The following RIMS2 variants were observed in gnomAD, a reference collection of about 807,000 sequenced individuals.
The protein encoded by RIMS2 is regulating synaptic membrane exocytosis protein 2.
In RIMS2, 59 loss-of-function variants were observed where a neutral mutation model predicts 174.4. The ratio of observed to expected loss-of-function variants is 0.34; its 90% CI spans 0.27 to 0.42. The LOEUF (loss-of-function observed/expected upper bound fraction) is 0.42, where lower values mean the gene tolerates loss of function less well. RIMS2 is among the 10% of genes least tolerant of loss of function. RIMS2 has a pLI of 1.00. For synonymous variants in RIMS2, 606 were observed against 572.5 expected (o/e 1.06, Z -0.84); for missense variants, 1,620 against 1,666.3 (o/e 0.97, Z 0.48).
intron 19 of RIMS2, among the ~76,000 whole-genome samples, chr8:104,231,196 C>T (rs1469333958): frequency 6.6e-6 from 1 of 152,078 alleles, no homozygotes; most frequent in Non-Finnish European, 1.5e-5. Flanking sequence ...TCTCTCTCTC[C>T]CTTCTGGACC....
intron 1 of RIMS2, among the ~76,000 whole-genome samples, chr8:103,595,435 G>A (rs1377208566): frequency 6.6e-6 from 1 of 151,854 alleles, no homozygotes; most frequent in Non-Finnish European, 1.5e-5. Context: ...CATGAGATGG[G>A]AGAAAGTGTA....
At chr8:103,862,152 A>G (rs146036225) in intron 3 of RIMS2, among the ~76,000 whole-genome samples, 43 of 152,110 alleles carry the variant, frequency 2.8e-4, no homozygotes, top group African/African-American at 7.9e-4. Context: ...TAATTTTTAT[A>G]TATGGTGAGA....
intron 1 of RIMS2, among the ~76,000 whole-genome samples, chr8:103,648,190 A>C (rs1469904655): frequency 1.3e-5 from 2 of 152,112 alleles, no homozygotes; most frequent in Non-Finnish European, 2.9e-5. Context: ...GGAGTCATTC[A>C]GGAGCAGGTT....
intron 1 of RIMS2, among the ~76,000 whole-genome samples, chr8:103,682,976 C>A (rs776103794): frequency 6.6e-6 from 1 of 152,088 alleles, no homozygotes; most frequent in Non-Finnish European, 1.5e-5. Context: ...ACTAGCTCTG[C>A]TACTAATTTA....
intron 2 of RIMS2, among the ~76,000 whole-genome samples, chr8:103,731,201 G>A (rs2097589088): frequency 6.6e-6 from 1 of 152,130 alleles, no homozygotes; most frequent in Non-Finnish European, 1.5e-5. Flanking sequence ...TGGGGACACA[G>A]CCAAACCATA....
intron 19 of RIMS2, among the ~76,000 whole-genome samples, chr8:104,124,703 A>G (rs1016336479): frequency 2.6e-5 from 4 of 152,186 alleles, no homozygotes; most frequent in Admixed American, 6.5e-5. Flanking sequence ...ATTGGACCAT[A>G]TAATTCAAGG....
At chr8:104,016,461 GTTCT>G (rs1206125864) in intron 19 of RIMS2, among the ~76,000 whole-genome samples, 2 of 151,896 alleles carry the variant, frequency 1.3e-5, no homozygotes, top group East Asian at 1.9e-4. Context: ...CTGTTTTGTC[GTTCT>G]TTCTATTTCC....
At chr8:103,722,611 C>T (rs564122846) in intron 2 of RIMS2, among the ~76,000 whole-genome samples, 8 of 152,296 alleles carry the variant, frequency 5.3e-5, no homozygotes, top group South Asian at 4.1e-4. Flanking sequence ...CGGGGAGCTG[C>T]TATAAATATA....
chr8:104,013,456 C>A, exon 18 of RIMS2: 1 of 1,613,454 alleles, frequency 6.2e-7, no homozygotes, highest in South Asian at 1.1e-5. Flanking sequence ...TGTGAAGCAG[C>A]AGATAGACAG....
intron 19 of RIMS2, among the ~76,000 whole-genome samples, chr8:104,244,190 A>G (rs1011705234): frequency 1.3e-5 from 2 of 152,080 alleles, no homozygotes; most frequent in East Asian, 1.9e-4. Flanking sequence ...ATTGGTTTCT[A>G]TTAGTAAATC....
intron 10 of RIMS2, 97 bp downstream of exon 13, chr8:103,921,881 A>T (rs1345932971): frequency 3.8e-6 from 2 of 531,412 alleles, no homozygotes; most frequent in Non-Finnish European, 6.7e-6. Flanking sequence ...TTCCTAGAAC[A>T]TAATTGTGCT....
At chr8:103,879,739 C>CT (rs2099158419) in intron 3 of RIMS2, among the ~76,000 whole-genome samples, 1 of 151,540 alleles carries the variant, frequency 6.6e-6, no homozygotes. Flanking sequence ...CAGCACAGCA[C>CT]TTTTTAATCT....
intron 3 of RIMS2, among the ~76,000 whole-genome samples, chr8:103,873,217 A>G (rs1391967628): frequency 6.6e-6 from 1 of 152,076 alleles, no homozygotes; most frequent in African/African-American, 2.4e-5. Context: ...CCTTAGGATA[A>G]GGAAGTGAGC....
chr8:103,780,281 T>C (rs1423656386), intron 3 of RIMS2, among the ~76,000 whole-genome samples: 1 of 152,220 alleles, frequency 6.6e-6, no homozygotes, highest in Non-Finnish European at 1.5e-5. Context: ...TGGATATTTA[T>C]GTATTTCTCA....
chr8:104,185,637 CTCATTA>C (rs1304295012), intron 19 of RIMS2, among the ~76,000 whole-genome samples: 8 of 151,466 alleles, frequency 5.3e-5, no homozygotes, highest in Non-Finnish European at 1.2e-4. Flanking sequence ...TGAGACAATG[CTCATTA>C]TCATTATCAC....
At chr8:104,135,447 A>G (rs1389335930) in intron 19 of RIMS2, among the ~76,000 whole-genome samples, 1 of 151,922 alleles carries the variant, frequency 6.6e-6, no homozygotes, top group African/African-American at 2.4e-5. Context: ...AAAAGGAGAA[A>G]TAGAAAAAAT....
chr8:104,029,298 T>C (rs897226993), intron 19 of RIMS2, among the ~76,000 whole-genome samples: 1 of 152,148 alleles, frequency 6.6e-6, no homozygotes, highest in African/African-American at 2.4e-5. Flanking sequence ...TTAGAATGCC[T>C]AACATCCTGG....
chr8:103,610,070 G>A (rs2095313303), intron 1 of RIMS2, among the ~76,000 whole-genome samples: 1 of 151,948 alleles, frequency 6.6e-6, no homozygotes, highest in African/African-American at 2.4e-5. Context: ...TGTATTCCTA[G>A]GCATTTTCTT....
In RIMS2 at chr8:103,975,509, AAGATAGACTAC is replaced by A. The variant is rs768274702; in HGVS notation, c.2927+4_2927+14del. ...CCCAGTGTCCCTCCTCCACAAAGGTAAGATAGACTACTTATTTTATTTGTAGGGTGGCTGTA... is the reference window on the plus strand; with the variant it reads ...CCCAGTGTCCCTCCTCCACAAAGGTATTATTTTATTTGTAGGGTGGCTGTA... On this transcript the variant is annotated splice_donor_5th_base_variant and intron_variant, in intron 16 of 23. Transcript: ENST00000504942. 1.9e-6 allele frequency: 3 copies of A among 1,608,266 alleles called. No homozygotes were observed. The highest frequency in any genetic ancestry group is 2.6e-6 in the Non-Finnish European group (3 of 1,175,340).
Sources: gnomAD v4.1 joint callset for allele counts (sites outside exome capture counted in the v4.1 genomes callset) on GRCh38, gnomAD v4.1.1 for gene constraint, MANE v1.5 for transcripts, NCBI Gene and HGNC (gene_info 2026-07-23, HGNC 2026-07-21) for gene names.